Variants in CNTN5 observed in about 807,000 individuals in gnomAD.
The protein encoded by CNTN5 is contactin-5.
CNTN5 carries 77 observed loss-of-function variants against 129.1 expected under a neutral mutation model. That is an observed-to-expected ratio of 0.60 (90% CI 0.50 to 0.72). CNTN5 has a LOEUF of 0.72. Among genes scored for constraint, CNTN5 ranks in the 30% least tolerant of loss-of-function variants. The pLI is 0.00. For synonymous variants in CNTN5, 509 were observed against 465.6 expected (o/e 1.09, Z -1.20); for missense variants, 1,478 against 1,328.8 (o/e 1.11, Z -1.75).
chr11:99,911,824 T>A (rs1949668552), intron 6 of CNTN5, among the ~76,000 whole-genome samples: 1 of 151,976 alleles, frequency 6.6e-6, no homozygotes, highest in South Asian at 2.1e-4. Context: ...CTTTATGAAG[T>A]CTATGAAGTC....
intron 3 of CNTN5, among the ~76,000 whole-genome samples, chr11:99,593,778 G>T (rs893966762): frequency 6.6e-6 from 1 of 151,978 alleles, no homozygotes; most frequent in African/African-American, 2.4e-5. Context: ...GAGGATCTAG[G>T]CCAGAATGTG....
intron 8 of CNTN5, among the ~76,000 whole-genome samples, chr11:99,990,294 T>C (rs1253161634): frequency 6.6e-6 from 1 of 152,166 alleles, no homozygotes; most frequent in Admixed American, 6.5e-5. Context: ...GTGATTATAG[T>C]GTAAGCCAGC....
intron 2 of CNTN5, among the ~76,000 whole-genome samples, chr11:99,547,188 A>G (rs562675313): frequency 2.0e-5 from 3 of 152,024 alleles, no homozygotes; most frequent in African/African-American, 7.2e-5. Context: ...TTTTTTTAGT[A>G]GAGACAGGGT....
chr11:99,727,711 G>C (rs1333405543), intron 3 of CNTN5, among the ~76,000 whole-genome samples: 1 of 152,110 alleles, frequency 6.6e-6, no homozygotes, highest in Non-Finnish European at 1.5e-5. Flanking sequence ...CACTGATATT[G>C]ACTGAAAATA....
chr11:100,262,594 G>A (rs1038568008), intron 17 of CNTN5, among the ~76,000 whole-genome samples: 3 of 152,164 alleles, frequency 2.0e-5, no homozygotes, highest in East Asian at 3.9e-4. Flanking sequence ...TATATGCCAT[G>A]GAATACTATG....
chr11:99,736,198 C>T (rs1007314121), intron 3 of CNTN5, among the ~76,000 whole-genome samples: 7 of 152,170 alleles, frequency 4.6e-5, no homozygotes, highest in Admixed American at 3.9e-4. Flanking sequence ...AACAAAGTTG[C>T]AGGGCTAGAC....
At chr11:99,896,339 G>T (rs1264753317) in intron 6 of CNTN5, among the ~76,000 whole-genome samples, 3 of 152,200 alleles carry the variant, frequency 2.0e-5, no homozygotes, top group Non-Finnish European at 4.4e-5. Context: ...ATACCTTCCA[G>T]AAGTAGCTGA....
At chr11:99,988,392 T>C (rs1444955819) in intron 8 of CNTN5, among the ~76,000 whole-genome samples, 14 of 152,238 alleles carry the variant, frequency 9.2e-5, no homozygotes, top group Admixed American at 8.5e-4. Context: ...TTAGGTCCCT[T>C]TATTTCTTGG....
chr11:99,997,658 G>T (rs1015977429), intron 8 of CNTN5, among the ~76,000 whole-genome samples: 3 of 152,054 alleles, frequency 2.0e-5, no homozygotes, highest in African/African-American at 7.3e-5. Context: ...CACTTTATGA[G>T]GCCAGCATCA....
At chr11:99,661,879 G>A (rs1249886384) in intron 3 of CNTN5, among the ~76,000 whole-genome samples, 1 of 152,076 alleles carries the variant, frequency 6.6e-6, no homozygotes, top group African/African-American at 2.4e-5. Context: ...AGACTTACTT[G>A]AAGAGCATAC....
At chr11:100,294,478 TGG>T (rs1951062650) in intron 18 of CNTN5, among the ~76,000 whole-genome samples, 1 of 151,740 alleles carries the variant, frequency 6.6e-6, no homozygotes, top group Non-Finnish European at 1.5e-5. Flanking sequence ...TATCCACTAA[TGG>T]ATGAGCTTTG....
chr11:100,082,349 A>G (rs1042751320), intron 13 of CNTN5, among the ~76,000 whole-genome samples: 4 of 152,134 alleles, frequency 2.6e-5, no homozygotes, highest in African/African-American at 7.2e-5. Flanking sequence ...TGGCACATAC[A>G]CAGCTCACTG....
chr11:99,127,857 A>G (rs1269652517), intron 1 of CNTN5, among the ~76,000 whole-genome samples: 1 of 152,130 alleles, frequency 6.6e-6, no homozygotes, highest in Admixed American at 6.6e-5. Context: ...CAACTATGTG[A>G]CATGGAGTAA....
At chr11:99,216,111 T>C (rs1191048398) in intron 1 of CNTN5, among the ~76,000 whole-genome samples, 1 of 152,166 alleles carries the variant, frequency 6.6e-6, no homozygotes, top group African/African-American at 2.4e-5. Flanking sequence ...TTGTAGATAT[T>C]CTTCATTCTA....
At chr11:99,731,673 C>A (rs1943539668) in intron 3 of CNTN5, among the ~76,000 whole-genome samples, 1 of 152,146 alleles carries the variant, frequency 6.6e-6, no homozygotes, top group Non-Finnish European at 1.5e-5. Context: ...TATCTCACCT[C>A]CAATTTAATG....
chr11:99,365,493 G>A (rs953609841), intron 2 of CNTN5, among the ~76,000 whole-genome samples: 11 of 152,208 alleles, frequency 7.2e-5, no homozygotes, highest in African/African-American at 2.4e-4. Context: ...CAATTTTAGA[G>A]AGGCTTAGAG....
intron 13 of CNTN5, among the ~76,000 whole-genome samples, chr11:100,109,726 G>T (rs867570297): frequency 2.8e-4 from 43 of 152,094 alleles, no homozygotes; most frequent in African/African-American, 9.7e-4. Flanking sequence ...CGATTATGCC[G>T]ATAATTGTTA....
At chr11:99,734,779 G>C (rs1943646679) in intron 3 of CNTN5, among the ~76,000 whole-genome samples, 1 of 151,768 alleles carries the variant, frequency 6.6e-6, no homozygotes, top group African/African-American at 2.4e-5. Flanking sequence ...GCTGGGTCCG[G>C]GGAAAAGCTA....
intron 3 of CNTN5, among the ~76,000 whole-genome samples, chr11:99,576,406 G>T (rs924805271): frequency 6.6e-5 from 10 of 152,266 alleles, no homozygotes; most frequent in Admixed American, 2.0e-4. Context: ...TATTATAAAT[G>T]CATTACATAT....
Sources: allele counts gnomAD v4.1 joint callset (sites outside exome capture counted in the v4.1 genomes callset), GRCh38; gene constraint gnomAD v4.1.1; transcripts MANE v1.5; gene names NCBI Gene and HGNC (gene_info 2026-07-23, HGNC 2026-07-21).